ZFHX3: variants seen among roughly 807,000 people sequenced by gnomAD.
The protein encoded by ZFHX3 is zinc finger homeobox 3.
In ZFHX3, 42 loss-of-function variants were observed where a neutral mutation model predicts 279.1. The ratio of observed to expected loss-of-function variants is 0.15; its 90% CI spans 0.12 to 0.19. ZFHX3 has a LOEUF of 0.19. Among genes scored for constraint, ZFHX3 ranks in the 10% least tolerant of loss-of-function variants. The pLI is 1.00. For synonymous variants in ZFHX3, 2,293 were observed against 1,957.8 expected (o/e 1.17, Z -4.52); for missense variants, 4,981 against 4,754.0 (o/e 1.05, Z -1.40).
chr16:73,231,202 G>T (rs2012761722), intron 5 of ZFHX3, among the ~76,000 whole-genome samples: 1 of 152,192 alleles, frequency 6.6e-6, no homozygotes, highest in Non-Finnish European at 1.5e-5. Context: ...ATCACTGTGG[G>T]ATATGACTTC....
intron 1 of ZFHX3, chr16:73,816,054 A>G (rs1960562256): frequency 6.6e-6 from 1 of 152,190 alleles, no homozygotes. Context: ...TAGAGACTGT[A>G]TTGGACAGGA....
intron 6 of ZFHX3, 47 bp from the exon 7 acceptor site, chr16:72,811,824 G>GCC: frequency 2.1e-6 from 2 of 953,466 alleles, no homozygotes; most frequent in Non-Finnish European, 3.2e-6. Flanking sequence ...TGTGCCCCAA[G>GCC]CCCGCCCACC....
rs929478538 is a variant in ZFHX3, at chr16:73,447,939, T to C, written c.-1291+8064A>G. Among the ~76,000 whole-genome samples the C allele has an allele frequency of 5.3e-4, 81 of 152,322 alleles. 1 individual carries two copies. The highest frequency in any genetic ancestry group is 1.7e-3 in the African/African-American group (71 of 41,578). ...CACCTTAAAAGCATTGAGGAGTTGA[T>C]GTGAGGTAAAGGAGTTGGTCAAACT... On this transcript the variant is annotated intron_variant, in intron 3 of 17. Transcript: ENST00000641206.
At chr16:73,778,033 A>G (rs1959317766) in intron 1 of ZFHX3, among the ~76,000 whole-genome samples, 1 of 152,132 alleles carries the variant, frequency 6.6e-6, no homozygotes, top group Non-Finnish European at 1.5e-5. Context: ...CTGTCTCCAG[A>G]AATAAAAATG....
intron 2 of ZFHX3, among the ~76,000 whole-genome samples, chr16:73,635,995 C>A (rs1439088962): frequency 5.3e-5 from 8 of 152,132 alleles, no homozygotes; most frequent in Admixed American, 3.9e-4. Context: ...CTTAGCATCA[C>A]CATTGACCTC....
At chr16:73,102,995 G>A (rs1966250210) in intron 7 of ZFHX3, among the ~76,000 whole-genome samples, 1 of 152,082 alleles carries the variant, frequency 6.6e-6, no homozygotes, top group South Asian at 2.1e-4. Flanking sequence ...TGCAATCTCA[G>A]CTCACTGCAA....
Position 73,182,030 on chromosome 16 carries a change from G to C in ZFHX3, c.-1103-38199C>G, listed in dbSNP as rs75426755. On this transcript the variant is annotated intron_variant, in intron 5 of 17. Transcript: ENST00000641206. ...CTAATTGTTCCTCCAGAGGAGGGCA[G>C]CTTGTTTCATATGATACAAGGGTAC... Among the ~76,000 whole-genome samples the C allele has an allele frequency of 2.7e-3, 417 of 152,330 alleles. 9 individuals are homozygous for C. In the East Asian group the frequency reaches 0.049, roughly 18 times the overall value.
intron 1 of ZFHX3, among the ~76,000 whole-genome samples, chr16:73,752,321 G>A (rs904128825): frequency 2.6e-5 from 4 of 152,196 alleles, no homozygotes; most frequent in African/African-American, 4.8e-5. Context: ...TCTATTTACT[G>A]TCCCAGTCTT....
At chr16:73,735,894 T>TG (rs2053604948) in intron 1 of ZFHX3, among the ~76,000 whole-genome samples, 5 of 92,986 alleles carry the variant, frequency 5.4e-5, no homozygotes, top group African/African-American at 1.1e-4. Context: ...CCATTCCGTT[T>TG]TTTTTTTTTT....
chr16:73,099,086 A>C (rs1056678718), intron 7 of ZFHX3: 4 of 152,198 alleles, frequency 2.6e-5, no homozygotes, highest in South Asian at 4.1e-4. Context: ...AAGAGCTGAA[A>C]TGTGAATTGG....
intron 3 of ZFHX3, among the ~76,000 whole-genome samples, chr16:72,943,180 TAA>T (rs766565988): frequency 7.9e-5 from 12 of 152,088 alleles, no homozygotes; most frequent in Admixed American, 3.9e-4. Context: ...TGAAGGAAAA[TAA>T]AGAGTCCTAA....
chr16:72,980,594 A>C, intron 1 of ZFHX3, among the ~76,000 whole-genome samples: 1 of 145,840 alleles, frequency 6.9e-6, no homozygotes, highest in African/African-American at 2.6e-5. Context: ...CCCCATCACT[A>C]CCAAAAGTTA....
intron 1 of ZFHX3, chr16:73,016,083 T>G (rs1233482553): frequency 6.6e-6 from 1 of 152,190 alleles, no homozygotes; most frequent in Non-Finnish European, 1.5e-5. Context: ...GCAAAGGAGA[T>G]CCCATCACCA....
intron 4 of ZFHX3, among the ~76,000 whole-genome samples, chr16:72,842,206 T>C (rs1216633584): frequency 6.6e-6 from 1 of 151,310 alleles, no homozygotes; most frequent in Non-Finnish European, 1.5e-5. Flanking sequence ...CAACTTGTTT[T>C]TTTGTTTTTT....
At chr16:73,516,945 A>G (rs974943253) in intron 2 of ZFHX3, among the ~76,000 whole-genome samples, 4 of 152,266 alleles carry the variant, frequency 2.6e-5, no homozygotes, top group Non-Finnish European at 5.9e-5. Context: ...GCATTTGTTT[A>G]CCTCACTGTG....
In ZFHX3 at chr16:73,189,164, A is replaced by T. The variant is rs140317357; in HGVS notation, c.-1103-45333T>A. Among the ~76,000 whole-genome samples, 862 of 152,278 alleles carry T rather than the reference A, an allele frequency of 5.7e-3. 7 individuals are homozygous for T. Among genetic ancestry groups the T allele is most frequent in the Middle Eastern group, 0.01 (3 of 294 alleles). On this transcript the variant is annotated intron_variant, in intron 5 of 17. Transcript: ENST00000641206. Reference sequence around the variant, plus strand: ...GGCATGAGCCACCGCGCCCGCCCACATCTGGGTATTTCTAAGAGGCAGTAT... The same window carrying T: ...GGCATGAGCCACCGCGCCCGCCCACTTCTGGGTATTTCTAAGAGGCAGTAT...
chr16:73,765,882 G>A (rs2053931495), intron 1 of ZFHX3, among the ~76,000 whole-genome samples: 1 of 152,190 alleles, frequency 6.6e-6, no homozygotes, highest in African/African-American at 2.4e-5. Context: ...CACACCACTG[G>A]CCAGGAGGCT....
chr16:73,499,976 A>G lies in ZFHX3; in HGVS notation c.-1546-43718T>C, dbSNP rs74028687. Reference sequence around the variant, plus strand: ...ACTGCCAGTCATATAAAAGTATAACACATACAATTATATACAGTACTTAAT... The same window carrying G: ...ACTGCCAGTCATATAAAAGTATAACGCATACAATTATATACAGTACTTAAT... On this transcript the variant is annotated intron_variant, in intron 2 of 17. Transcript: ENST00000641206. The G allele has an allele frequency of 8.3e-3, 1,272 of 152,358 alleles. 28 individuals are homozygous for G. The highest frequency in any genetic ancestry group is 0.029 in the African/African-American group (1,223 of 41,584). The allele number at this position is 152,358 out of a possible 1,614,324, so 9.4% of individuals were successfully genotyped here. A position where few individuals can be genotyped will look rare whatever the true frequency, so the allele number is the denominator to read the frequency against.
At chr16:73,271,272 C>A (rs1405471191) in intron 4 of ZFHX3, among the ~76,000 whole-genome samples, 1 of 152,168 alleles carries the variant, frequency 6.6e-6, no homozygotes, top group Non-Finnish European at 1.5e-5. Flanking sequence ...ACCAAATGGG[C>A]CCTTTTTGTT....
Sources: allele counts gnomAD v4.1 joint callset (sites outside exome capture counted in the v4.1 genomes callset), GRCh38; gene constraint gnomAD v4.1.1; transcripts MANE v1.5; gene names NCBI Gene and HGNC (gene_info 2026-07-23, HGNC 2026-07-21).